ADGRL3: variants seen among roughly 807,000 people sequenced by gnomAD.
The protein encoded by ADGRL3 is calcium-independent alpha-latrotoxin receptor 3.
ADGRL3 carries 62 observed loss-of-function variants against 153.5 expected under a neutral mutation model. The ratio of observed to expected loss-of-function variants is 0.40; its 90% confidence interval spans 0.33 to 0.50. The LOEUF (loss-of-function observed/expected upper bound fraction) is 0.50. ADGRL3 is among the 20% of genes least tolerant of loss of function. The pLI is 0.47. For synonymous variants in ADGRL3, 710 were observed against 672.5 expected (o/e 1.06, Z -0.86); for missense variants, 1,641 against 1,859.4 (o/e 0.88, Z 2.16).
At chr4:61,566,037 T>C (rs2098814929) in intron 4 of ADGRL3, among the ~76,000 whole-genome samples, 1 of 152,136 alleles carries the variant, frequency 6.6e-6, no homozygotes, top group Admixed American at 6.5e-5. Context: ...GAAAGGTGGG[T>C]AAGGGGATTT....
chr4:61,618,315 A>G (rs938849745), intron 5 of ADGRL3, among the ~76,000 whole-genome samples: 5 of 152,202 alleles, frequency 3.3e-5, no homozygotes, highest in African/African-American at 1.2e-4. Context: ...TTCAAAATGT[A>G]ATTTTATTAT....
chr4:61,605,556 A>G (rs1020274280), intron 5 of ADGRL3, among the ~76,000 whole-genome samples: 2 of 152,214 alleles, frequency 1.3e-5, no homozygotes, highest in Non-Finnish European at 2.9e-5. Context: ...TCCATATTCT[A>G]TGTGAAAATT....
intron 8 of ADGRL3, among the ~76,000 whole-genome samples, chr4:61,745,742 C>G (rs1219458327): frequency 6.6e-6 from 1 of 152,144 alleles, no homozygotes; most frequent in South Asian, 2.1e-4. Flanking sequence ...CTGGTACCAG[C>G]CACTGCAAAA....
chr4:61,414,199 A>AG (rs915405523), intron 2 of ADGRL3, among the ~76,000 whole-genome samples: 19 of 152,334 alleles, frequency 1.2e-4, no homozygotes, highest in African/African-American at 4.3e-4. Flanking sequence ...ATGGCAGCCT[A>AG]GGACTAACTT....
chr4:61,262,082 C>T (rs976217747), intron 1 of ADGRL3, among the ~76,000 whole-genome samples: 47 of 152,242 alleles, frequency 3.1e-4, no homozygotes, highest in African/African-American at 1.1e-3. Context: ...GTTGAAGGTG[C>T]TCATCATGGA....
chr4:61,997,120 T>G (rs72640016), intron 20 of ADGRL3, among the ~76,000 whole-genome samples: 5,256 of 152,024 alleles, frequency 0.035, 99 homozygotes, highest in Middle Eastern at 0.082. Context: ...GATAATGTGG[T>G]ACATATATTG....
intron 5 of ADGRL3, among the ~76,000 whole-genome samples, chr4:61,640,506 T>A (rs2093617003): frequency 6.6e-6 from 1 of 152,182 alleles, no homozygotes. Context: ...GATCTTGTAG[T>A]TGTGACACAT....
intron 1 of ADGRL3, among the ~76,000 whole-genome samples, chr4:61,268,863 A>G (rs2093002307): frequency 6.6e-6 from 1 of 151,686 alleles, no homozygotes; most frequent in South Asian, 2.1e-4. Context: ...AAAACTAGGG[A>G]CATTTATGTA....
chr4:61,799,981 G>A (rs1158949968), intron 8 of ADGRL3, among the ~76,000 whole-genome samples: 1 of 152,150 alleles, frequency 6.6e-6, no homozygotes, highest in African/African-American at 2.4e-5. Context: ...CAGAGTTCAT[G>A]GGTTATGTAA....
At chr4:61,434,273 G>A (rs548022209) in intron 2 of ADGRL3, among the ~76,000 whole-genome samples, 2 of 152,170 alleles carry the variant, frequency 1.3e-5, no homozygotes, top group South Asian at 4.1e-4. Flanking sequence ...AATGGTCATG[G>A]TGGGAAAAAT....
At chr4:61,778,973 G>T (rs556109075) in intron 8 of ADGRL3, among the ~76,000 whole-genome samples, 3 of 151,672 alleles carry the variant, frequency 2.0e-5, no homozygotes, top group Admixed American at 6.6e-5. Flanking sequence ...TAGGAGAACC[G>T]CTTGAACACA....
intron 2 of ADGRL3, among the ~76,000 whole-genome samples, chr4:61,421,510 A>T (rs184412047): frequency 4.4e-4 from 67 of 152,314 alleles, no homozygotes; most frequent in African/African-American, 1.5e-3. Flanking sequence ...ATTTATTGTT[A>T]TTCCAGTGCC....
chr4:61,380,822 T>C (rs1578545862), intron 1 of ADGRL3, among the ~76,000 whole-genome samples: 1 of 152,176 alleles, frequency 6.6e-6, no homozygotes, highest in East Asian at 1.9e-4. Flanking sequence ...ATATTTCTAG[T>C]AGCTCCTTTT....
intron 4 of ADGRL3, among the ~76,000 whole-genome samples, chr4:61,561,629 T>G (rs753172933): frequency 4.6e-5 from 7 of 152,130 alleles, no homozygotes; most frequent in Non-Finnish European, 1.0e-4. Flanking sequence ...GGTTAAATCT[T>G]TATAGAGAAA....
chr4:61,620,215 T>G (rs995944906), intron 5 of ADGRL3, among the ~76,000 whole-genome samples: 1 of 151,984 alleles, frequency 6.6e-6, no homozygotes, highest in African/African-American at 2.4e-5. Context: ...TTTACTAAAA[T>G]GACAATGAAG....
At chr4:61,460,872 C>A (rs1021952476) in intron 2 of ADGRL3, among the ~76,000 whole-genome samples, 1 of 152,084 alleles carries the variant, frequency 6.6e-6, no homozygotes, top group African/African-American at 2.4e-5. Context: ...AGTTCAAGAC[C>A]AGCCTGGCCA....
intron 13 of ADGRL3, among the ~76,000 whole-genome samples, chr4:61,933,691 G>A (rs530482096): frequency 1.1e-3 from 172 of 152,250 alleles, no homozygotes; most frequent in African/African-American, 3.7e-3. Flanking sequence ...GGCAGCCAAG[G>A]TGTTTCATTA....
rs190172352 is a variant in ADGRL3 at position 61,647,024 on chromosome 4, G to A, written c.474-29802G>A. Among the ~76,000 whole-genome samples the A allele has an allele frequency of 1.5e-3, 226 of 152,254 alleles. 1 individual carries two copies. Among genetic ancestry groups the A allele is most frequent in the Non-Finnish European group, 2.3e-3 (158 of 68,020 alleles). On this transcript the variant is annotated intron_variant, in intron 5 of 26. Transcript: ENST00000683033. ...TAGGAAAAGCGCAGTCTTCGGGTGG[G>A]AGTCACTCGATTTTCCAGGTGCCGT...
At chr4:61,989,057 A>C (rs2150953770) in intron 19 of ADGRL3, among the ~76,000 whole-genome samples, 1 of 152,132 alleles carries the variant, frequency 6.6e-6, no homozygotes, top group South Asian at 2.1e-4. Context: ...TAATTAAAAG[A>C]CCCCAGACTT....
Sources: gnomAD v4.1 joint callset for allele counts (sites outside exome capture counted in the v4.1 genomes callset) on GRCh38, gnomAD v4.1.1 for gene constraint, MANE v1.5 for transcripts, NCBI Gene and HGNC (gene_info 2026-07-23, HGNC 2026-07-21) for gene names.